GPR141: variants seen among roughly 807,000 people sequenced by gnomAD.
GPR141 encodes the protein G protein-coupled receptor 141, also known as probable G protein-coupled receptor 141.
A neutral mutation model predicts 6.8 loss-of-function variants in GPR141; 6 were observed. The observed-to-expected ratio is 0.88, with a 90% CI of 0.48 to 1.74. GPR141 has a LOEUF of 1.74. Ranked by LOEUF, GPR141 falls within the 40% of genes most tolerant of loss-of-function variation. GPR141 has a pLI of 0.01. For missense variants in GPR141, 372 were observed against 372.9 expected (o/e 1.00, Z 0.02); for synonymous variants, 140 against 142.3 (o/e 0.98, Z 0.11).
At chr7:37,685,805 A>G (rs1246604944) in intron 2 of GPR141, among the ~76,000 whole-genome samples, 2 of 149,370 alleles carry the variant, frequency 1.3e-5, no homozygotes, top group Admixed American at 1.3e-4. Flanking sequence ...TTGATTTTCA[A>G]AGTGGTCCAA....
intron 2 of GPR141, among the ~76,000 whole-genome samples, chr7:37,728,643 C>T (rs1457629470): frequency 2.0e-5 from 3 of 151,920 alleles, no homozygotes; most frequent in African/African-American, 7.3e-5. Context: ...ACCACTGAGA[C>T]CCAAGCAAGG....
intron 2 of GPR141, among the ~76,000 whole-genome samples, chr7:37,695,200 T>G (rs888620238): frequency 2.6e-5 from 4 of 152,148 alleles, no homozygotes; most frequent in African/African-American, 9.7e-5. Context: ...ACTTGGGGAT[T>G]TCAGGCCACA....
At chr7:37,691,448 T>A (rs1213636492) in intron 2 of GPR141, among the ~76,000 whole-genome samples, 3 of 152,126 alleles carry the variant, frequency 2.0e-5, no homozygotes, top group Non-Finnish European at 2.9e-5. Flanking sequence ...TTCAAGGTTA[T>A]TATTTATAGG....
At chr7:37,708,311 A>C (rs1810622162) in intron 2 of GPR141, among the ~76,000 whole-genome samples, 5 of 8,582 alleles carry the variant, frequency 5.8e-4, no homozygotes, top group Admixed American at 4.1e-3. Flanking sequence ...AATTGCTGGC[A>C]AAAAAAAAAA....
At chr7:37,717,115 A>G (rs570896075) in intron 2 of GPR141, among the ~76,000 whole-genome samples, 8 of 152,382 alleles carry the variant, frequency 5.2e-5, no homozygotes, top group South Asian at 2.1e-4. Flanking sequence ...GAGGACAGAT[A>G]GGCCTTGCTA....
chr7:37,698,948 T>C (rs1055891649), intron 2 of GPR141, among the ~76,000 whole-genome samples: 5 of 152,218 alleles, frequency 3.3e-5, no homozygotes, highest in African/African-American at 1.2e-4. Context: ...AAGTATCTTA[T>C]CTACATAAGG....
intron 2 of GPR141, among the ~76,000 whole-genome samples, chr7:37,732,438 C>T (rs1348053674): frequency 2.0e-5 from 3 of 151,994 alleles, no homozygotes; most frequent in African/African-American, 4.8e-5. Flanking sequence ...AGCTGTAGTC[C>T]ATGGGACAGA....
At chr7:37,720,235 C>T (rs1490090132) in intron 2 of GPR141, among the ~76,000 whole-genome samples, 3 of 152,140 alleles carry the variant, frequency 2.0e-5, no homozygotes, top group Non-Finnish European at 2.9e-5. Flanking sequence ...CAAAAGAGGG[C>T]CTGCCCCAGG....
intron 2 of GPR141, among the ~76,000 whole-genome samples, chr7:37,732,049 ATTTAT>A (rs1218094644): frequency 1.4e-5 from 2 of 146,238 alleles, no homozygotes; most frequent in Middle Eastern, 3.6e-3. Context: ...TTATTTATTT[ATTTAT>A]TTTATTTTTT....
At chr7:37,725,729 TTTC>T (rs1014090759) in intron 2 of GPR141, among the ~76,000 whole-genome samples, 4 of 152,212 alleles carry the variant, frequency 2.6e-5, no homozygotes, top group African/African-American at 9.7e-5. Context: ...ATAGACAAAA[TTTC>T]TTCTTTTTGT....
chr7:37,691,377 C>T (rs2131731427), intron 2 of GPR141, among the ~76,000 whole-genome samples: 1 of 150,264 alleles, frequency 6.7e-6, no homozygotes, highest in South Asian at 2.1e-4. Context: ...TCACTGCAAC[C>T]TCTGCCTCCC....
chr7:37,733,618 G>A lies in GPR141; in HGVS notation c.-14-6762G>A, dbSNP rs1812084429. Among the ~76,000 whole-genome samples, 3 of 146,348 alleles carry A rather than the reference G, an allele frequency of 2.0e-5. No homozygotes were observed. The South Asian group carries it at 6.5e-4, about 32-fold the overall frequency. On this transcript the variant is annotated intron_variant, in intron 2 of 2. Transcript: ENST00000334425. Reference sequence around the variant, plus strand: ...AGCCGGGAGGCGGAGGTTGCGGTGAGCCGAGATCCCAGCACTGCACTCCAG... The same window carrying A: ...AGCCGGGAGGCGGAGGTTGCGGTGAACCGAGATCCCAGCACTGCACTCCAG...
rs74951249 is a variant in GPR141 at position 37,684,947 on chromosome 7, G to A, written c.-138-513G>A. ...TTCTAGTAATTGGCTGCATAATTTG[G>A]GGGAATATTGTCTAAGGATTCCAGA... On this transcript the variant is annotated intron_variant, in intron 1 of 2. Transcript: ENST00000334425. 8.5e-5 allele frequency among the ~76,000 whole-genome samples: 13 copies of A among 152,268 alleles called. No individual in the cohort carries two copies. In the East Asian group the frequency reaches 2.5e-3, roughly 29 times the overall value.
intron 2 of GPR141, among the ~76,000 whole-genome samples, chr7:37,723,883 A>C (rs1302644451): frequency 6.6e-6 from 1 of 152,200 alleles, no homozygotes; most frequent in Admixed American, 6.5e-5. Context: ...TTTGAAGCAA[A>C]ATTTCTGGTA....
At chr7:37,735,682 C>T (rs1314789141) in intron 2 of GPR141, among the ~76,000 whole-genome samples, 1 of 151,728 alleles carries the variant, frequency 6.6e-6, no homozygotes, top group Non-Finnish European at 1.5e-5. Context: ...AATTACTAGA[C>T]ATATCAAAGG....
intron 2 of GPR141, among the ~76,000 whole-genome samples, chr7:37,715,332 G>A (rs141886934): frequency 8.9e-4 from 135 of 152,252 alleles, no homozygotes; most frequent in Middle Eastern, 3.4e-3. Context: ...ATCTTACTAT[G>A]TTGCCCAGGC....
Position 37,686,162 on chromosome 7 carries a change from C to CTT in GPR141, c.-15+596_-15+597dup, listed in dbSNP as rs35733762. Among the ~76,000 whole-genome samples the CTT allele has an allele frequency of 5.3e-3, 651 of 123,824 alleles. 9 individuals carry two copies. The highest frequency in any genetic ancestry group is 0.017 in the African/African-American group (545 of 32,656). 81.2% of individuals were successfully genotyped at this position (123,824 alleles called of 152,430 possible). Reference sequence around the variant, plus strand: ...TGCAGGTGTGAGCCACCCTGCCTGCCTTTTTTTTTTTTTTTTTTCTTTAGA... The same window carrying CTT: ...TGCAGGTGTGAGCCACCCTGCCTGCCTTTTTTTTTTTTTTTTTTTTCTTTAGA... On this transcript the variant is annotated intron_variant, in intron 2 of 2. Coordinates refer to ENST00000334425, the MANE Select transcript of GPR141 (RefSeq NM_001381946.1).
chr7:37,690,011 T>C (rs866462234), intron 2 of GPR141, among the ~76,000 whole-genome samples: 1 of 152,090 alleles, frequency 6.6e-6, no homozygotes, highest in Non-Finnish European at 1.5e-5. Context: ...TTTCTACTTT[T>C]TCGATGTAGG....
intron 2 of GPR141, among the ~76,000 whole-genome samples, chr7:37,736,108 A>G (rs1322765527): frequency 2.6e-5 from 4 of 152,066 alleles, no homozygotes; most frequent in Admixed American, 1.3e-4. Flanking sequence ...AAATACAAAC[A>G]TTAGCCGGGT....
Sources: gnomAD v4.1 joint callset for allele counts (sites outside exome capture counted in the v4.1 genomes callset) on GRCh38, gnomAD v4.1.1 for gene constraint, MANE v1.5 for transcripts, NCBI Gene and HGNC (gene_info 2026-07-23, HGNC 2026-07-21) for gene names.